Variants in VTA1 observed in about 807,000 individuals in gnomAD.
The protein encoded by VTA1 is vesicle trafficking 1.
VTA1 carries 24 observed loss-of-function variants against 36.9 expected under a neutral mutation model. That is an observed-to-expected ratio of 0.65 (90% CI 0.47 to 0.91). VTA1 has a LOEUF of 0.91. VTA1 is among the 40% of genes least tolerant of loss of function. The probability of loss-of-function intolerance (pLI) is 0.00; values close to 1 mark genes in which losing one functional copy is unlikely to be tolerated. For synonymous variants in VTA1, 142 were observed against 130.2 expected (o/e 1.09, Z -0.62); for missense variants, 393 against 377.2 (o/e 1.04, Z -0.35).
intron 5 of VTA1, among the ~76,000 whole-genome samples, chr6:142,190,398 A>G (rs1430590278): frequency 1.3e-5 from 2 of 152,138 alleles, no homozygotes; most frequent in Admixed American, 6.5e-5. Flanking sequence ...ATTTTTTCAT[A>G]CAACTGGTAA....
intron 1 of VTA1, among the ~76,000 whole-genome samples, chr6:142,165,286 T>C (rs1774891517): frequency 6.6e-6 from 1 of 152,166 alleles, no homozygotes; most frequent in South Asian, 2.1e-4. Flanking sequence ...TTGATACTTT[T>C]GTTTTGGGGG....
At chr6:142,155,234 G>T (rs1412976188) in intron 1 of VTA1, among the ~76,000 whole-genome samples, 1 of 152,156 alleles carries the variant, frequency 6.6e-6, no homozygotes, top group Non-Finnish European at 1.5e-5. Context: ...TGACATGGCT[G>T]TGTGATTGGT....
intron 1 of VTA1, among the ~76,000 whole-genome samples, 175 bp from the exon 2 acceptor site, chr6:142,166,053 G>T (rs918290217): frequency 2.0e-5 from 3 of 149,848 alleles, no homozygotes; most frequent in African/African-American, 7.4e-5. Context: ...TGAATGTCTT[G>T]CATTCTTTGG....
intron 1 of VTA1, among the ~76,000 whole-genome samples, chr6:142,161,974 G>T (rs556808621): frequency 6.6e-6 from 1 of 152,104 alleles, no homozygotes; most frequent in Admixed American, 6.5e-5. Flanking sequence ...ATCTTTTAAT[G>T]CTGAGAGGAT....
At chr6:142,147,530 A>G (rs1778472623) in intron 1 of VTA1, 131 bp downstream of exon 1, 5 of 913,090 alleles carry the variant, frequency 5.5e-6, no homozygotes, top group Non-Finnish European at 5.0e-6. Flanking sequence ...GAGCCTACCC[A>G]GGGAACTCCC....
intron 4 of VTA1, among the ~76,000 whole-genome samples, chr6:142,183,958 C>CTTAGATAT (rs2114659515): frequency 6.6e-6 from 1 of 152,252 alleles, no homozygotes; most frequent in South Asian, 2.1e-4. Context: ...ACTGCTCATG[C>CTTAGATAT]TTAGATATTA....
Position 142,221,088 on chromosome 6 carries a change from G to C in VTA1, c.*2445G>C, listed in dbSNP as rs936074483. 6.6e-6 allele frequency: 1 copy of C among 152,108 alleles called. No individual in the cohort carries two copies. The highest frequency in any genetic ancestry group is 2.4e-5 in the African/African-American group (1 of 41,420). The allele number at this position is 152,108 out of a possible 1,614,324, so 9.4% of individuals were successfully genotyped here. ...TGGTCCCTAAAGTTCGAGTGGTTTA[G>C]CTCTACCCAAATCAGAAATATTGCA... On this transcript the variant is annotated 3_prime_UTR_variant, in exon 8 of 8. Coordinates refer to ENST00000367630, the MANE Select transcript of VTA1 (RefSeq NM_016485.5).
chr6:142,212,815 C>T (rs143069243), intron 7 of VTA1, among the ~76,000 whole-genome samples: 10 of 152,216 alleles, frequency 6.6e-5, no homozygotes, highest in African/African-American at 2.2e-4. Flanking sequence ...CATCAGATCT[C>T]GTGAGACCTC....
intron 6 of VTA1, among the ~76,000 whole-genome samples, chr6:142,202,525 A>T (rs1277031788): frequency 1.3e-5 from 2 of 152,032 alleles, no homozygotes; most frequent in Non-Finnish European, 2.9e-5. Context: ...TATACGTATT[A>T]ATCTGGAATT....
At chr6:142,195,565 T>C (rs531540079) in intron 5 of VTA1, among the ~76,000 whole-genome samples, 1 of 151,098 alleles carries the variant, frequency 6.6e-6, no homozygotes, top group East Asian at 1.9e-4. Flanking sequence ...CCTTTTATTT[T>C]TTGCTGCACC....
At chr6:142,200,052 C>T (rs1258317814) in intron 6 of VTA1, among the ~76,000 whole-genome samples, 2 of 151,996 alleles carry the variant, frequency 1.3e-5, no homozygotes, top group Admixed American at 6.6e-5. Flanking sequence ...CATAGAGGAG[C>T]CAAGGGGAAA....
At chr6:142,168,760 T>TTATTAG (rs1774972720) in intron 2 of VTA1, among the ~76,000 whole-genome samples, 1 of 147,416 alleles carries the variant, frequency 6.8e-6, no homozygotes, top group Non-Finnish European at 1.5e-5. Context: ...ATTATTATTA[T>TTATTAG]TATTATTATT....
intron 4 of VTA1, among the ~76,000 whole-genome samples, chr6:142,174,634 G>T (rs1191565882): frequency 1.3e-5 from 2 of 152,134 alleles, no homozygotes; most frequent in Non-Finnish European, 2.9e-5. Flanking sequence ...GGGAGCAGAG[G>T]TGGAATTGTA....
chr6:142,191,872 T>C (rs1775462386), intron 5 of VTA1, among the ~76,000 whole-genome samples: 1 of 152,120 alleles, frequency 6.6e-6, no homozygotes, highest in Non-Finnish European at 1.5e-5. Flanking sequence ...TGTAGAATTA[T>C]ATTCTGTTGT....
intron 4 of VTA1, among the ~76,000 whole-genome samples, chr6:142,177,044 A>G (rs1377560571): frequency 6.6e-6 from 1 of 152,202 alleles, no homozygotes. Flanking sequence ...TTTTCCAACT[A>G]CAAAAGCATT....
In VTA1 at chr6:142,204,973, C is replaced by G. The variant is rs528807603; in HGVS notation, c.778+908C>G. Among the ~76,000 whole-genome samples the G allele has an allele frequency of 3.3e-5, 5 of 152,308 alleles. No homozygotes were observed. The South Asian group carries it at 1.0e-3, about 32-fold the overall frequency. ...TCTCTTGACCTCATAATCCGCCTGCCTCAGCCTCCCATACTGCTGGGATTA... is the reference window on the plus strand; with the variant it reads ...TCTCTTGACCTCATAATCCGCCTGCGTCAGCCTCCCATACTGCTGGGATTA... On this transcript the variant is annotated intron_variant, in intron 7 of 7. Coordinates refer to ENST00000367630, the MANE Select transcript of VTA1 (RefSeq NM_016485.5).
At chr6:142,149,466 G>A (rs569205265) in intron 1 of VTA1, among the ~76,000 whole-genome samples, 4 of 152,220 alleles carry the variant, frequency 2.6e-5, no homozygotes, top group Non-Finnish European at 4.4e-5. Context: ...TCATTGGAGC[G>A]AAATCTGCAA....
At chr6:142,167,827 A>T (rs993887957) in intron 2 of VTA1, among the ~76,000 whole-genome samples, 2 of 152,142 alleles carry the variant, frequency 1.3e-5, no homozygotes, top group Admixed American at 6.5e-5. Context: ...CTTTCTAGGG[A>T]ATGGGTTGGG....
rs1018385033 is a variant in VTA1, at chr6:142,219,107, TAAAAC to T, written c.*468_*472del. On this transcript the variant is annotated 3_prime_UTR_variant, in exon 8 of 8. Transcript: ENST00000367630. ...TTACGTTTTTGTTTCCCTCAAGACA[TAAAAC>T]AAATATAAACATTCTAAACTGCTGG... 2.0e-5 allele frequency: 3 copies of T among 152,330 alleles called. No individual in the cohort carries two copies. Among genetic ancestry groups the T allele is most frequent in the African/African-American group, 7.2e-5 (3 of 41,580 alleles). 9.4% of individuals were successfully genotyped at this position (152,330 alleles called of 1,614,324 possible). A position where few individuals can be genotyped will look rare whatever the true frequency, so the allele number is the denominator to read the frequency against.
Sources: gnomAD v4.1 joint callset for allele counts (sites outside exome capture counted in the v4.1 genomes callset) on GRCh38, gnomAD v4.1.1 for gene constraint, MANE v1.5 for transcripts, NCBI Gene and HGNC (gene_info 2026-07-23, HGNC 2026-07-21) for gene names.